Variants in SHTN1 observed in about 807,000 individuals in gnomAD.
SHTN1 encodes shootin 1.
A neutral mutation model predicts 83.1 loss-of-function variants in SHTN1; 42 were observed. That is an observed-to-expected ratio of 0.51 (90% CI 0.39 to 0.65). The LOEUF is 0.65. Ranked by LOEUF, SHTN1 falls within the 30% of genes least tolerant of loss-of-function variation. The pLI, the probability that SHTN1 is intolerant of heterozygous loss-of-function variation, is 0.00. For synonymous variants in SHTN1, 224 were observed against 247.7 expected (o/e 0.90, Z 0.90); for missense variants, 622 against 737.8 (o/e 0.84, Z 1.82).
At chr10:117,028,178 G>T (rs560252775) in intron 2 of SHTN1, among the ~76,000 whole-genome samples, 1 of 152,264 alleles carries the variant, frequency 6.6e-6, no homozygotes, top group African/African-American at 2.4e-5. Context: ...GAACTTGAGA[G>T]TGATGATTTG....
chr10:116,951,008 G>T (rs1382436046), intron 6 of SHTN1, among the ~76,000 whole-genome samples: 1 of 152,148 alleles, frequency 6.6e-6, no homozygotes, highest in African/African-American at 2.4e-5. Flanking sequence ...GAAGTGCTGG[G>T]CTACAGAATC....
intron 3 of SHTN1, among the ~76,000 whole-genome samples, chr10:116,966,983 C>A (rs372793326): frequency 1.3e-5 from 2 of 152,344 alleles, no homozygotes; most frequent in African/African-American, 4.8e-5. Context: ...CTTGGATGTT[C>A]TCTGTTACAA....
intron 6 of SHTN1, 113 bp downstream of exon 6, chr10:116,951,796 G>A (rs1849787192): frequency 4.3e-6 from 2 of 460,778 alleles, no homozygotes; most frequent in Non-Finnish European, 7.8e-6. Context: ...ATTAAAATTG[G>A]TACATGGTTC....
Position 116,881,677 on chromosome 10 carries a change from CACACCCCAG to C in SHTN1, c.*4658_*4666del, listed in dbSNP as rs1166870660. 5.3e-6 allele frequency: 8 copies of C among 1,500,048 alleles called. No homozygotes were observed. The highest frequency in any genetic ancestry group is 7.1e-6 in the Non-Finnish European group (8 of 1,121,286). The allele number at this position is 1,500,048 out of a possible 1,614,324, so 92.9% of individuals were successfully genotyped here. A position where few individuals can be genotyped will look rare whatever the true frequency, so the allele number is the denominator to read the frequency against. On this transcript the variant is annotated 3_prime_UTR_variant, in exon 17 of 17. Coordinates refer to ENST00000355371, the MANE Select transcript of SHTN1 (RefSeq NM_001127211.3). ...GGAGCATCCTCTGGATAGGGCTGTACACACCCCAGGTTCCAGCCACACCATCAGTATTAG... is the reference window on the plus strand; with the variant it reads ...GGAGCATCCTCTGGATAGGGCTGTACGTTCCAGCCACACCATCAGTATTAG...
intron 4 of SHTN1, among the ~76,000 whole-genome samples, chr10:116,957,248 T>C (rs570124363): frequency 1.3e-5 from 2 of 151,630 alleles, no homozygotes; most frequent in Admixed American, 1.3e-4. Context: ...CAAAAATATA[T>C]CTTTTTACTT....
intron 3 of SHTN1, among the ~76,000 whole-genome samples, chr10:116,965,175 T>C (rs944850542): frequency 6.6e-6 from 1 of 151,676 alleles, no homozygotes; most frequent in African/African-American, 2.4e-5. Context: ...CTAGGGAGAG[T>C]AGAGCCCTAT....
At chr10:117,067,389 G>A (rs979617142) in intron 1 of SHTN1, among the ~76,000 whole-genome samples, 2 of 152,250 alleles carry the variant, frequency 1.3e-5, no homozygotes, top group South Asian at 2.1e-4. Flanking sequence ...TCAGGAGTTC[G>A]AGACCAGCCT....
intron 1 of SHTN1, among the ~76,000 whole-genome samples, chr10:117,114,185 G>A (rs896330212): frequency 6.6e-6 from 1 of 152,180 alleles, no homozygotes; most frequent in Non-Finnish European, 1.5e-5. Flanking sequence ...CTCCAGTCTG[G>A]GTGATAGAGT....
intron 1 of SHTN1, among the ~76,000 whole-genome samples, chr10:117,083,968 A>T (rs1853310730): frequency 6.6e-6 from 1 of 151,752 alleles, no homozygotes; most frequent in Admixed American, 6.6e-5. Context: ...CAAAGTTTTC[A>T]ACTTCTTTGC....
intron 2 of SHTN1, among the ~76,000 whole-genome samples, chr10:117,029,030 G>C (rs571479916): frequency 6.6e-6 from 1 of 152,322 alleles, no homozygotes; most frequent in Admixed American, 6.5e-5. Context: ...CAGCCCATGA[G>C]AGCAGCCACC....
At chr10:117,117,862 C>T (rs539926412) in intron 1 of SHTN1, among the ~76,000 whole-genome samples, 2 of 152,232 alleles carry the variant, frequency 1.3e-5, no homozygotes, top group South Asian at 4.1e-4. Flanking sequence ...AAACTAGACC[C>T]CTATCTCTCA....
At chr10:117,028,825 CA>C (rs1852365913) in intron 2 of SHTN1, among the ~76,000 whole-genome samples, 1 of 152,134 alleles carries the variant, frequency 6.6e-6, no homozygotes, top group African/African-American at 2.4e-5. Flanking sequence ...AAGCCTGCTG[CA>C]GGGGTGGAGC....
intron 1 of SHTN1, among the ~76,000 whole-genome samples, chr10:117,083,013 T>A (rs1172288288): frequency 2.0e-5 from 3 of 150,230 alleles, no homozygotes; most frequent in Non-Finnish European, 3.0e-5. Flanking sequence ...TGTCTTTTAA[T>A]TGGAGCATTT....
rs117787896 is a variant in SHTN1, at chr10:116,934,306, T to C, written c.859-4304A>G. On this transcript the variant is annotated intron_variant, in intron 9 of 16. Coordinates refer to ENST00000355371, the MANE Select transcript of SHTN1 (RefSeq NM_001127211.3). ...GTTTTTATGGTTTTAGGTCTTACAT[T>C]AAAGTCTTCAATCCACCTTGAGTTA... Among the ~76,000 whole-genome samples the C allele has an allele frequency of 5.4e-4, 83 of 152,336 alleles. 1 individual carries two copies. In the East Asian group the frequency reaches 0.012, roughly 21 times the overall value.
intron 1 of SHTN1, among the ~76,000 whole-genome samples, chr10:117,060,380 G>A (rs1195891555): frequency 2.6e-5 from 4 of 152,104 alleles, no homozygotes; most frequent in Admixed American, 1.3e-4. Context: ...AATGTTGATA[G>A]ATATAAAGGG....
chr10:117,068,033 T>C (rs1048913483), intron 1 of SHTN1, among the ~76,000 whole-genome samples: 7 of 151,902 alleles, frequency 4.6e-5, no homozygotes, highest in Admixed American at 1.3e-4. Context: ...AGAGGTGAGA[T>C]AGATACTTGG....
chr10:116,911,184 G>A (rs1277251418), intron 14 of SHTN1, among the ~76,000 whole-genome samples: 4 of 152,184 alleles, frequency 2.6e-5, no homozygotes, highest in East Asian at 1.9e-4. Flanking sequence ...TGCAGTAGCC[G>A]CTGATTCCAT....
intron 16 of SHTN1, among the ~76,000 whole-genome samples, chr10:116,887,181 A>G (rs1433381580): frequency 6.6e-6 from 1 of 152,180 alleles, no homozygotes; most frequent in Non-Finnish European, 1.5e-5. Context: ...GTTACCATTA[A>G]TGTTTCTAAA....
At chr10:117,071,699 A>G (rs10886037) in intron 1 of SHTN1, among the ~76,000 whole-genome samples, 4 of 151,968 alleles carry the variant, frequency 2.6e-5, no homozygotes, top group South Asian at 2.1e-4. Context: ...TCTGCTTATT[A>G]TAACAGTCTA....
Sources: gnomAD v4.1 joint callset for allele counts (sites outside exome capture counted in the v4.1 genomes callset) on GRCh38, gnomAD v4.1.1 for gene constraint, MANE v1.5 for transcripts, NCBI Gene and HGNC (gene_info 2026-07-23, HGNC 2026-07-21) for gene names.